Variants in AUH observed in about 807,000 individuals in gnomAD.
AUH encodes AU RNA binding methylglutaconyl-CoA hydratase.
In AUH, 29 loss-of-function variants were observed where a neutral mutation model predicts 42.3. The observed-to-expected ratio is 0.69, with a 90% CI of 0.51 to 0.93. The LOEUF (loss-of-function observed/expected upper bound fraction) is 0.93, where lower values mean the gene tolerates loss of function less well. Ranked by LOEUF, AUH falls within the 40% of genes least tolerant of loss-of-function variation. AUH has a pLI of 0.00. For missense variants in AUH, 452 were observed against 438.1 expected (o/e 1.03, Z -0.28); for synonymous variants, 174 against 166.4 (o/e 1.05, Z -0.35).
intron 6 of AUH, among the ~76,000 whole-genome samples, chr9:91,282,169 T>TGAGTTGATA (rs761541340): frequency 5.6e-4 from 86 of 152,314 alleles, no homozygotes; most frequent in Non-Finnish European, 9.7e-4. Context: ...ATCTAAGGCC[T>TGAGTTGATA]CTTTACTAGT....
At chr9:91,313,532 C>A (rs1225226768) in intron 4 of AUH, among the ~76,000 whole-genome samples, 1 of 151,190 alleles carries the variant, frequency 6.6e-6, no homozygotes, top group Non-Finnish European at 1.5e-5. Context: ...GGTGAAACCC[C>A]GTCTCTACTA....
intron 6 of AUH, among the ~76,000 whole-genome samples, chr9:91,283,466 A>T (rs1826140621): frequency 6.6e-6 from 1 of 152,210 alleles, no homozygotes; most frequent in Non-Finnish European, 1.5e-5. Context: ...GGCCAGGGCA[A>T]TCAGGCAGGA....
intron 3 of AUH, among the ~76,000 whole-genome samples, chr9:91,352,447 A>C (rs1240030927): frequency 6.6e-6 from 1 of 152,080 alleles, no homozygotes; most frequent in East Asian, 1.9e-4. Context: ...GGATGAATAA[A>C]GTAGAGGAAG....
At chr9:91,315,277 C>T (rs1265422458) in intron 4 of AUH, among the ~76,000 whole-genome samples, 3 of 152,186 alleles carry the variant, frequency 2.0e-5, no homozygotes, top group Non-Finnish European at 2.9e-5. Flanking sequence ...CCCAAGACTC[C>T]ACCCTCAGAT....
intron 6 of AUH, among the ~76,000 whole-genome samples, chr9:91,239,911 G>A (rs911909203): frequency 1.3e-5 from 2 of 152,084 alleles, no homozygotes; most frequent in East Asian, 1.9e-4. Context: ...GGGGAAGGAA[G>A]GCTGGACAGC....
chr9:91,351,395 C>T (rs892777577), intron 3 of AUH, among the ~76,000 whole-genome samples: 34 of 152,144 alleles, frequency 2.2e-4, no homozygotes, highest in African/African-American at 8.2e-4. Context: ...TTATAAGTAT[C>T]GTATTTATAT....
chr9:91,253,473 A>G (rs185566374), intron 6 of AUH, among the ~76,000 whole-genome samples: 2 of 152,384 alleles, frequency 1.3e-5, no homozygotes, highest in East Asian at 3.9e-4. Context: ...AAAACACCCA[A>G]GAAGAGGTAA....
Position 91,283,950 on chromosome 9 carries a change from A to G in AUH, c.655+12071T>C, listed in dbSNP as rs1178938960. On this transcript the variant is annotated intron_variant, in intron 6 of 9. Transcript: ENST00000375731. Reference sequence around the variant, plus strand: ...TACCAATGACTTTCTCCACAGAATTAGAAAAAACTACTTTAAAGTTCATAT... The same window carrying G: ...TACCAATGACTTTCTCCACAGAATTGGAAAAAACTACTTTAAAGTTCATAT... Among the ~76,000 whole-genome samples, 25 of 152,124 alleles carry G rather than the reference A, an allele frequency of 1.6e-4. No individual in the cohort carries two copies. The East Asian group carries it at 4.5e-3, about 27-fold the overall frequency.
intron 6 of AUH, among the ~76,000 whole-genome samples, chr9:91,250,158 G>C (rs565329472): frequency 3.0e-4 from 46 of 152,256 alleles, no homozygotes; most frequent in African/African-American, 1.0e-3. Context: ...CACCTGCCAG[G>C]GCGAGCCTGG....
chr9:91,221,032 C>T, intron 6 of AUH, 40 bp from the exon 7 acceptor site: 3 of 1,603,964 alleles, frequency 1.9e-6, no homozygotes, highest in East Asian at 2.2e-5. Context: ...TGATTTGACA[C>T]CTGTTAGTTT....
intron 5 of AUH, 115 bp from the exon 6 acceptor site, chr9:91,296,192 A>C: frequency 9.8e-7 from 1 of 1,017,586 alleles, no homozygotes; most frequent in Non-Finnish European, 1.4e-6. Flanking sequence ...TTGATATCAC[A>C]AATTCTTAAA....
At chr9:91,290,689 A>C (rs1328271777) in intron 6 of AUH, among the ~76,000 whole-genome samples, 1 of 152,218 alleles carries the variant, frequency 6.6e-6, no homozygotes, top group Non-Finnish European at 1.5e-5. Context: ...TGAGTTCACA[A>C]GACAAGACAG....
In AUH at chr9:91,361,804, C is replaced by G; in HGVS notation, c.86G>C (p.Trp29Ser). The G allele has an allele frequency of 6.6e-7, 1 of 1,526,084 alleles. No individual in the cohort carries two copies. 94.5% of individuals were successfully genotyped at this position (1,526,084 alleles called of 1,614,324 possible). ...GGGCAGCCTCAACCCCGGGCAGAGC[C>G]ACGCACTGCAAGCGGCCACCAGGCG... ...GARLVAACSA[W>S]LCPGLRLPGS... is the part of the protein sequence containing the mutation. Residue 29 changes from tryptophan (W) to serine (S), a missense_variant, in exon 1 of 10, where the codon TGG becomes TCG. Trp to Ser is a radical substitution (Grantham distance 177). Coordinates refer to ENST00000375731, the MANE Select transcript of AUH (RefSeq NM_001698.3).
chr9:91,246,914 G>A (rs1828826646), intron 6 of AUH, among the ~76,000 whole-genome samples: 1 of 152,164 alleles, frequency 6.6e-6, no homozygotes, highest in African/African-American at 2.4e-5. Context: ...TCATGCCTAA[G>A]CAGCGGAGCC....
intron 5 of AUH, among the ~76,000 whole-genome samples, chr9:91,296,735 A>G (rs532958637): frequency 4.6e-5 from 7 of 152,378 alleles, no homozygotes; most frequent in African/African-American, 1.7e-4. Flanking sequence ...TTAAAATCCA[A>G]TGATTTCATT....
intron 6 of AUH, among the ~76,000 whole-genome samples, chr9:91,265,056 G>A (rs1219005760): frequency 6.6e-6 from 1 of 151,954 alleles, no homozygotes; most frequent in African/African-American, 2.4e-5. Context: ...AATCCTCCGA[G>A]CACTGAAATT....
In AUH at chr9:91,236,920, C is replaced by A. The variant is rs187417819; in HGVS notation, c.656-15928G>T. On this transcript the variant is annotated intron_variant, in intron 6 of 9. Transcript: ENST00000375731. ...AGCTCCAATCAATTTCCCCACAAAT[C>A]GATAAAATGGCAGGAAAAAAAACCC... 9.9e-5 allele frequency among the ~76,000 whole-genome samples: 15 copies of A among 152,144 alleles called. No homozygotes were observed. The East Asian group carries it at 2.7e-3, about 27-fold the overall frequency.
intron 4 of AUH, among the ~76,000 whole-genome samples, chr9:91,309,104 T>C (rs1564086857): frequency 6.6e-6 from 1 of 151,478 alleles, no homozygotes; most frequent in Non-Finnish European, 1.5e-5. Context: ...AACTTTTATC[T>C]TAAATGTATT....
At chr9:91,295,580 C>T (rs1827259274) in intron 6 of AUH, among the ~76,000 whole-genome samples, 1 of 152,220 alleles carries the variant, frequency 6.6e-6, no homozygotes. Context: ...ACTCCAGCAA[C>T]CGCCACTCTA....
Sources: gnomAD v4.1 joint callset for allele counts (sites outside exome capture counted in the v4.1 genomes callset) on GRCh38, gnomAD v4.1.1 for gene constraint, MANE v1.5 for transcripts, NCBI Gene and HGNC (gene_info 2026-07-23, HGNC 2026-07-21) for gene names.